The following PRKG1 variants were observed in gnomAD, a reference collection of about 807,000 sequenced individuals.
PRKG1 encodes the protein protein kinase cGMP-dependent 1.
Under a neutral mutation model 88.1 loss-of-function variants are expected in PRKG1, and 35 were observed. That is an observed-to-expected ratio of 0.40 (90% CI 0.30 to 0.53). The LOEUF (loss-of-function observed/expected upper bound fraction) is 0.53. PRKG1 is among the 20% of genes least tolerant of loss of function. The probability of loss-of-function intolerance (pLI) is 0.59; values close to 1 mark genes in which losing one functional copy is unlikely to be tolerated. For synonymous variants in PRKG1, 303 were observed against 292.5 expected, an observed-to-expected ratio of 1.04 and a Z score of -0.37; for missense variants, 540 against 839.8, an observed-to-expected ratio of 0.64 and a Z score of 4.41.
chr10:51,042,592 T>G (rs553559438), intron 1 of PRKG1, among the ~76,000 whole-genome samples: 2 of 152,152 alleles, frequency 1.3e-5, no homozygotes, highest in South Asian at 4.2e-4. Flanking sequence ...TATTAGGGAG[T>G]GCTGTCAGAA....
At chr10:52,066,085 A>C (rs1050337708) in intron 7 of PRKG1, among the ~76,000 whole-genome samples, 13 of 152,118 alleles carry the variant, frequency 8.5e-5, no homozygotes, top group African/African-American at 2.9e-4. Context: ...TGGTTTTATT[A>C]GTCTACTCTA....
chr10:52,007,237 A>C (rs1844760406), intron 5 of PRKG1, among the ~76,000 whole-genome samples: 1 of 152,124 alleles, frequency 6.6e-6, no homozygotes, highest in Non-Finnish European at 1.5e-5. Flanking sequence ...AACATCAACA[A>C]CTACCATCAC....
intron 2 of PRKG1, among the ~76,000 whole-genome samples, chr10:51,377,448 A>G (rs1247714927): frequency 2.6e-5 from 4 of 152,234 alleles, no homozygotes; most frequent in Non-Finnish European, 4.4e-5. Flanking sequence ...TGAACTCACC[A>G]TGAAGGGTTA....
chr10:51,416,437 C>A (rs1193238259), intron 2 of PRKG1, among the ~76,000 whole-genome samples: 1 of 152,084 alleles, frequency 6.6e-6, no homozygotes, highest in Non-Finnish European at 1.5e-5. Context: ...AATTAGATTT[C>A]TCTCAAAATC....
intron 3 of PRKG1, among the ~76,000 whole-genome samples, chr10:51,526,066 T>C (rs1427753534): frequency 3.5e-4 from 53 of 152,152 alleles, no homozygotes; most frequent in Admixed American, 3.5e-3. Flanking sequence ...ATGATCTACC[T>C]GCCTTGGCCT....
chr10:51,918,348 T>A (rs1435051695), intron 5 of PRKG1, among the ~76,000 whole-genome samples: 1 of 152,106 alleles, frequency 6.6e-6, no homozygotes, highest in South Asian at 2.1e-4. Flanking sequence ...TTTTTTATTT[T>A]TTTTTTTGTG....
chr10:51,193,512 CTA>C (rs1837684063), intron 2 of PRKG1, among the ~76,000 whole-genome samples: 1 of 152,018 alleles, frequency 6.6e-6, no homozygotes, highest in South Asian at 2.1e-4. Context: ...TCCTTCAAAA[CTA>C]TAGATCATCT....
rs966008062 is a variant in PRKG1 at position 51,307,590 on chromosome 10, T to C, written c.478+154260T>C. Among the ~76,000 whole-genome samples, 6 of 152,354 alleles carry C rather than the reference T, an allele frequency of 3.9e-5. No individual in the cohort carries two copies. In the South Asian group the frequency reaches 1.2e-3, roughly 32 times the overall value. On this transcript the variant is annotated intron_variant, in intron 2 of 17. Transcript: ENST00000373980. ...TGTTTATTTTTGAGTTCCTGGTCTC[T>C]GAGTTTACTCACCTTTTATTTAAAT...
intron 3 of PRKG1, among the ~76,000 whole-genome samples, chr10:51,580,413 T>G (rs1282444575): frequency 6.6e-6 from 1 of 152,190 alleles, no homozygotes; most frequent in African/African-American, 2.4e-5. Flanking sequence ...CATGGTATTA[T>G]TAGACTTTAG....
intron 2 of PRKG1, among the ~76,000 whole-genome samples, chr10:51,218,911 A>G (rs1487588511): frequency 4.5e-4 from 69 of 152,022 alleles, no homozygotes; most frequent in Non-Finnish European, 1.2e-4. Flanking sequence ...TAGCAGTCAG[A>G]ATGTTCAGAT....
intron 4 of PRKG1, among the ~76,000 whole-genome samples, chr10:51,904,465 T>C (rs182886647): frequency 1.6e-4 from 24 of 152,264 alleles, no homozygotes; most frequent in African/African-American, 5.5e-4. Context: ...TTCTGAATTG[T>C]TTTGTTCCTA....
chr10:51,692,266 A>T (rs1267441344), intron 3 of PRKG1, among the ~76,000 whole-genome samples: 1 of 151,942 alleles, frequency 6.6e-6, no homozygotes, highest in South Asian at 2.1e-4. Flanking sequence ...GAATTCAACT[A>T]TACCATTTCT....
intron 3 of PRKG1, among the ~76,000 whole-genome samples, chr10:51,779,631 G>C (rs1838533857): frequency 1.3e-5 from 2 of 152,022 alleles, no homozygotes; most frequent in Non-Finnish European, 2.9e-5. Context: ...TGAATGAACA[G>C]AAATGGCTGA....
chr10:52,261,939 C>G (rs1163153880), intron 10 of PRKG1, among the ~76,000 whole-genome samples: 1 of 152,050 alleles, frequency 6.6e-6, no homozygotes, highest in East Asian at 1.9e-4. Context: ...GCTGGCTTCT[C>G]CTGAACAAGT....
At chr10:52,221,391 T>C (rs928072615) in intron 9 of PRKG1, among the ~76,000 whole-genome samples, 3 of 152,230 alleles carry the variant, frequency 2.0e-5, no homozygotes, top group African/African-American at 7.2e-5. Context: ...GAATAAATGT[T>C]ACAATGAGTT....
intron 2 of PRKG1, among the ~76,000 whole-genome samples, chr10:51,366,170 G>C (rs1460274679): frequency 1.3e-5 from 2 of 151,636 alleles, no homozygotes; most frequent in African/African-American, 4.8e-5. Flanking sequence ...TAATTTCTCT[G>C]GTATGATTCC....
intron 5 of PRKG1, among the ~76,000 whole-genome samples, chr10:51,970,791 TTA>T (rs1219867916): frequency 6.9e-5 from 10 of 144,954 alleles, no homozygotes; most frequent in East Asian, 4.0e-4. Context: ...ATATATCAGA[TTA>T]TATATATATA....
chr10:51,275,851 A>T (rs1564666108), intron 2 of PRKG1, among the ~76,000 whole-genome samples: 1 of 152,194 alleles, frequency 6.6e-6, no homozygotes, highest in South Asian at 2.1e-4. Flanking sequence ...AAGAAAAGGC[A>T]AGTAAAAGTG....
rs192322857 is a variant in PRKG1, at chr10:51,153,064, C to G, written c.312-100C>G. On this transcript the variant is annotated intron_variant, in intron 1 of 17. Coordinates refer to ENST00000373980, the MANE Select transcript of PRKG1 (RefSeq NM_006258.4). ...TTATTGGATTCCTAACAAGAAAATA[C>G]ATTTGTGGTGTGCCAGAGCACTCTA... The G allele has an allele frequency of 3.0e-4, 209 of 706,412 alleles. 1 individual carries two copies. The East Asian group carries it at 9.6e-3, about 33-fold the overall frequency. 43.8% of individuals were successfully genotyped at this position (706,412 alleles called of 1,614,324 possible).
Sources: allele counts gnomAD v4.1 joint callset (sites outside exome capture counted in the v4.1 genomes callset), GRCh38; gene constraint gnomAD v4.1.1; transcripts MANE v1.5; gene names NCBI Gene and HGNC (gene_info 2026-07-23, HGNC 2026-07-21).